Variants in IP6K2 observed in about 807,000 individuals in gnomAD.
IP6K2 encodes the protein ATP:1D-myo-inositol-hexakisphosphate phosphotransferase.
IP6K2 carries 9 observed loss-of-function variants against 43.3 expected under a neutral mutation model. That is an observed-to-expected ratio of 0.21 (90% CI 0.13 to 0.36). IP6K2 has a LOEUF of 0.36. Ranked by LOEUF, IP6K2 falls within the 10% of genes least tolerant of loss-of-function variation. IP6K2 has a pLI of 1.00. For synonymous variants in IP6K2, 209 were observed against 202.4 expected (o/e 1.03, Z -0.28); for missense variants, 332 against 538.4 (o/e 0.62, Z 3.79).
chr3:48,706,761 A>G (rs1274514532), intron 1 of IP6K2, among the ~76,000 whole-genome samples: 1 of 151,604 alleles, frequency 6.6e-6, no homozygotes, highest in Non-Finnish European at 1.5e-5. Flanking sequence ...AATAGCTTGA[A>G]CCTGGGAGGC....
intron 1 of IP6K2, among the ~76,000 whole-genome samples, chr3:48,711,147 A>G (rs2080467951): frequency 6.6e-6 from 1 of 152,152 alleles, no homozygotes. Flanking sequence ...CTGGGATTAA[A>G]TGATCCGCCT....
Position 48,689,732 on chromosome 3 carries a change from T to C in IP6K2, c.605-19A>G, listed in dbSNP as rs941876200. On this transcript the variant is annotated intron_variant, in intron 4 of 5. Coordinates refer to ENST00000328631, the MANE Select transcript of IP6K2 (RefSeq NM_016291.4). ...ATAAATTCTGAGTAGTTAAGAATAA[T>C]ACCCCCAAAAGGAAGTGCTACTGCA... 1 of 1,608,548 alleles carries C rather than the reference T, an allele frequency of 6.2e-7. No individual in the cohort carries two copies. The highest frequency in any genetic ancestry group is 8.5e-7 in the Non-Finnish European group (1 of 1,175,306).
At chr3:48,693,853 G>A (rs905448201) in intron 2 of IP6K2, 11 of 1,161,280 alleles carry the variant, frequency 9.5e-6, no homozygotes, top group African/African-American at 1.6e-5. Context: ...GAGCTGGTTG[G>A]GGAGCACAGA....
intron 1 of IP6K2, among the ~76,000 whole-genome samples, chr3:48,708,742 A>G (rs1186630039): frequency 1.3e-5 from 2 of 152,118 alleles, no homozygotes; most frequent in Non-Finnish European, 2.9e-5. Flanking sequence ...GATTTTTGCA[A>G]TCCTTGAGTC....
Position 48,694,171 on chromosome 3 carries a change from C to A in IP6K2, c.202+919G>T, listed in dbSNP as rs996888660. ...TATTCAGGCCACACTTCCCTGTGGC[C>A]ACAGGGGAAAGGACCAGGGGAAAAA... On this transcript the variant is annotated intron_variant, in intron 2 of 5. Transcript: ENST00000328631. 6 of 1,549,648 alleles carry A rather than the reference C, an allele frequency of 3.9e-6. No homozygotes were observed. The African/African-American group carries it at 8.2e-5, about 21-fold the overall frequency.
At chr3:48,699,433 G>A (rs563417609) in intron 1 of IP6K2, 35 of 152,012 alleles carry the variant, frequency 2.3e-4, no homozygotes, top group Middle Eastern at 6.8e-3. Flanking sequence ...CAAAAAAAAC[G>A]TAGCTGGAGG....
chr3:48,715,285 T>C (rs2081068831), intron 1 of IP6K2: 1 of 1,536,042 alleles, frequency 6.5e-7, no homozygotes, highest in East Asian at 2.4e-5. Context: ...GTGCATCCTC[T>C]TTATGAGCCA....
At chr3:48,697,488 A>ATTTTTTTTTT (rs35746542) in intron 1 of IP6K2, among the ~76,000 whole-genome samples, 3,512 of 64,140 alleles carry the variant, frequency 0.055, 3 homozygotes, top group Non-Finnish European at 0.058. Flanking sequence ...ATGCCTGGCT[A>ATTTTTTTTTT]TTTTTTTTTT....
At position 48,695,566 on chromosome 3, in the gene IP6K2, C is replaced by G. The variant is rs1296405865; in HGVS notation, c.-130-145G>C. On this transcript the variant is annotated intron_variant, in intron 1 of 5. Coordinates refer to ENST00000328631, the MANE Select transcript of IP6K2 (RefSeq NM_016291.4). The surrounding 1 kb of genome is among the most constrained non-coding windows in gnomAD (Gnocchi z 4.6). ...TCCGCCCATGCCACCCACCTTGGCCCCCGCCTTCTCCGGCAGAAAAACAAA... is the reference window on the plus strand; with the variant it reads ...TCCGCCCATGCCACCCACCTTGGCCGCCGCCTTCTCCGGCAGAAAAACAAA... The G allele has an allele frequency of 1.8e-5, 20 of 1,109,238 alleles. No homozygotes were observed. The highest frequency in any genetic ancestry group is 3.2e-5 in the African/African-American group (2 of 62,466). 68.7% of individuals were successfully genotyped at this position (1,109,238 alleles called of 1,614,324 possible).
At chr3:48,692,294 C>G (rs1323764351) in intron 3 of IP6K2, among the ~76,000 whole-genome samples, 1 of 152,116 alleles carries the variant, frequency 6.6e-6, no homozygotes, top group African/African-American at 2.4e-5. Flanking sequence ...ACCAGTCAAC[C>G]ACTATTTTCT....
At chr3:48,689,797 G>T (rs2077610497) in intron 4 of IP6K2, 84 bp from the exon 5 acceptor site, 1 of 1,214,330 alleles carries the variant, frequency 8.2e-7, no homozygotes. Flanking sequence ...CCTTGATGCA[G>T]TGACCCAGAG....
At chr3:48,707,428 C>T (rs2079929551) in intron 1 of IP6K2, among the ~76,000 whole-genome samples, 1 of 152,084 alleles carries the variant, frequency 6.6e-6, no homozygotes. Flanking sequence ...AATAGCATCT[C>T]ATTCTGGTTT....
chr3:48,698,965 A>G (rs558754376), intron 1 of IP6K2, among the ~76,000 whole-genome samples: 1 of 152,198 alleles, frequency 6.6e-6, no homozygotes, highest in African/African-American at 2.4e-5. Context: ...GCTAACAACA[A>G]TGCAAATCCC....
chr3:48,713,894 A>G (rs2080852681), intron 1 of IP6K2, among the ~76,000 whole-genome samples: 1 of 151,850 alleles, frequency 6.6e-6, no homozygotes, highest in African/African-American at 2.4e-5. Context: ...AGGTGGGTGG[A>G]TCACCTAAGG....
intron 1 of IP6K2, among the ~76,000 whole-genome samples, chr3:48,697,488 A>ATTTTTTTTTTTT (rs35746542): frequency 3.1e-3 from 197 of 64,340 alleles, no homozygotes; most frequent in South Asian, 4.3e-3. Flanking sequence ...ATGCCTGGCT[A>ATTTTTTTTTTTT]TTTTTTTTTT....
chr3:48,711,546 A>C (rs936166517), intron 1 of IP6K2: 1 of 152,210 alleles, frequency 6.6e-6, no homozygotes, highest in African/African-American at 2.4e-5. Flanking sequence ...GTGGGTTTGT[A>C]ATCAACTGGG....
chr3:48,700,977 G>A (rs888307429), intron 1 of IP6K2, among the ~76,000 whole-genome samples: 32 of 152,200 alleles, frequency 2.1e-4, no homozygotes, highest in African/African-American at 7.5e-4. Flanking sequence ...TGGTAGCAAT[G>A]CAAAGCCACT....
intron 1 of IP6K2, among the ~76,000 whole-genome samples, chr3:48,712,234 A>C (rs2080618905): frequency 6.6e-6 from 1 of 151,194 alleles, no homozygotes; most frequent in African/African-American, 2.4e-5. Flanking sequence ...TGTCTCTACA[A>C]AAAAAAAATT....
At chr3:48,689,031 G>A (rs1476592521) in intron 5 of IP6K2, among the ~76,000 whole-genome samples, 2 of 152,232 alleles carry the variant, frequency 1.3e-5, no homozygotes, top group Non-Finnish European at 2.9e-5. Flanking sequence ...AAACCCTTTT[G>A]CCTTCCTCCC....
Sources: allele counts gnomAD v4.1 joint callset (sites outside exome capture counted in the v4.1 genomes callset), GRCh38; gene constraint gnomAD v4.1.1; non-coding constraint Gnocchi (gnomAD v3.1); transcripts MANE v1.5; gene names NCBI Gene and HGNC (gene_info 2026-07-23, HGNC 2026-07-21).